TMC5: variants seen among roughly 807,000 people sequenced by gnomAD.
The protein encoded by TMC5 is transmembrane channel-like protein 5.
Under a neutral mutation model 110.5 loss-of-function variants are expected in TMC5, and 86 were observed. The ratio of observed to expected loss-of-function variants is 0.78; its 90% CI spans 0.65 to 0.93. The LOEUF is 0.93. Ranked by LOEUF, TMC5 falls within the 40% of genes least tolerant of loss-of-function variation. The pLI is 0.00. For missense variants in TMC5, 1,144 were observed against 1,222.8 expected (o/e 0.94, Z 0.96); for synonymous variants, 455 against 439.5 (o/e 1.04, Z -0.44).
intron 13 of TMC5, among the ~76,000 whole-genome samples, chr16:19,478,592 A>C (rs1161200881): frequency 1.3e-5 from 2 of 152,092 alleles, no homozygotes; most frequent in Non-Finnish European, 2.9e-5. Context: ...TTATCCATCC[A>C]TGTATGGATC....
chr16:19,427,078 C>A (rs1296107558), intron 1 of TMC5, among the ~76,000 whole-genome samples: 1 of 151,816 alleles, frequency 6.6e-6, no homozygotes, highest in African/African-American at 2.4e-5. Flanking sequence ...ATGTGCCCCC[C>A]TCTCCAGCAG....
At chr16:19,437,321 G>C (rs1967370554) in intron 2 of TMC5, among the ~76,000 whole-genome samples, 1 of 152,186 alleles carries the variant, frequency 6.6e-6, no homozygotes, top group Non-Finnish European at 1.5e-5. Context: ...ACTGTCTCCA[G>C]GAAGAAAATA....
At chr16:19,493,707 T>C (rs1974448) in intron 19 of TMC5, among the ~76,000 whole-genome samples, 96,542 of 151,918 alleles carry the variant, frequency 0.64, 32,230 homozygotes, top group South Asian at 0.76. Flanking sequence ...GTGATCCACC[T>C]GCCTTGGCCT....
At chr16:19,495,880 C>G (rs891299964) in intron 20 of TMC5, among the ~76,000 whole-genome samples, 1 of 151,850 alleles carries the variant, frequency 6.6e-6, no homozygotes, top group Non-Finnish European at 1.5e-5. Context: ...CTCCTGTGAT[C>G]CCCAGCACTT....
At chr16:19,470,526 T>G (rs948139044) in intron 10 of TMC5, among the ~76,000 whole-genome samples, 1 of 151,870 alleles carries the variant, frequency 6.6e-6, no homozygotes, top group African/African-American at 2.4e-5. Flanking sequence ...AGGGGGACAT[T>G]TGACAACCTC....
chr16:19,488,267 T>C (rs1968801904), intron 17 of TMC5, among the ~76,000 whole-genome samples: 1 of 152,074 alleles, frequency 6.6e-6, no homozygotes. Context: ...TAACTCAAGT[T>C]CCCTGGCTAA....
chr16:19,459,291 TC>T (rs1967960771), intron 5 of TMC5, among the ~76,000 whole-genome samples: 1 of 152,136 alleles, frequency 6.6e-6, no homozygotes, highest in African/African-American at 2.4e-5. Flanking sequence ...CAATTGGAAT[TC>T]CATTAACAAG....
At chr16:19,416,456 G>T (rs1476095712), upstream of TMC5, among the ~76,000 whole-genome samples, 1 of 152,166 alleles carries the variant, frequency 6.6e-6, no homozygotes, top group Non-Finnish European at 1.5e-5. Context: ...ATCTGCTGGG[G>T]TTTATCCCTG....
At chr16:19,494,992 G>GAATACTTC (rs1312118000) in intron 20 of TMC5, among the ~76,000 whole-genome samples, 3 of 149,172 alleles carry the variant, frequency 2.0e-5, no homozygotes, top group Admixed American at 6.7e-5. Context: ...ATCTCACTAT[G>GAATACTTC]AATACTTCAG....
chr16:19,439,877 A>G lies in TMC5; in HGVS notation c.-79-83A>G, dbSNP rs1006199947. 41 of 623,458 alleles carry G rather than the reference A, an allele frequency of 6.6e-5. 1 individual carries two copies. In the Admixed American group the frequency reaches 1.2e-3, roughly 18 times the overall value. 38.6% of individuals were successfully genotyped at this position (623,458 alleles called of 1,614,324 possible). On this transcript the variant is annotated intron_variant, in intron 2 of 21. Coordinates refer to ENST00000542583, the MANE Select transcript of TMC5 (RefSeq NM_001261841.2). ...GTACCTGACTACGAACGAAAGGAGA[A>G]CAGATACTGGAAGATAACCAGCAAT...
At chr16:19,412,494 T>G (rs1214419341) in intron 1 of TMC5, among the ~76,000 whole-genome samples, 1 of 152,164 alleles carries the variant, frequency 6.6e-6, no homozygotes, top group Non-Finnish European at 1.5e-5. Context: ...ACCTCCCAAG[T>G]AGCTGAGATT....
intron 1 of TMC5, 35 bp from the exon 2 acceptor site, chr16:19,430,378 A>G (rs1165126335): frequency 6.6e-6 from 1 of 152,168 alleles, no homozygotes; most frequent in Non-Finnish European, 1.5e-5. Context: ...CCCATCTTTT[A>G]TGGAAGTTTA....
At chr16:19,448,469 A>G (rs1331385410) in intron 4 of TMC5, among the ~76,000 whole-genome samples, 1 of 151,584 alleles carries the variant, frequency 6.6e-6, no homozygotes, top group Non-Finnish European at 1.5e-5. Flanking sequence ...AATACAAAAT[A>G]TTAGCCAGGC....
intron 12 of TMC5, among the ~76,000 whole-genome samples, chr16:19,476,614 A>T (rs1038702611): frequency 6.6e-6 from 1 of 152,230 alleles, no homozygotes. Flanking sequence ...ACGCTGGGTC[A>T]GCACCCAATA....
intron 16 of TMC5, 54 bp from the exon 17 acceptor site, chr16:19,487,139 C>T (rs1968763400): frequency 6.2e-7 from 1 of 1,603,534 alleles, no homozygotes; most frequent in Admixed American, 1.7e-5. Flanking sequence ...TGGCTGGGGT[C>T]CCTCTGCCGC....
At chr16:19,487,701 CAATAAATAAATAAATAAATAAATAAATA>C (rs201239101) in intron 17 of TMC5, 2 of 127,838 alleles carry the variant, frequency 1.6e-5, no homozygotes, top group East Asian at 2.3e-4. Flanking sequence ...GACTCTGTCT[CAATAAATAAATAAATAAATAAATAAATA>C]AATAAATAAA....
At chr16:19,473,145 A>C (rs1968387033) in intron 11 of TMC5, among the ~76,000 whole-genome samples, 1 of 151,996 alleles carries the variant, frequency 6.6e-6, no homozygotes, top group Non-Finnish European at 1.5e-5. Flanking sequence ...CAGGAGTTTG[A>C]GACTAGCCTG....
intron 6 of TMC5, among the ~76,000 whole-genome samples, chr16:19,462,897 CAAAA>C (rs530123989): frequency 3.6e-5 from 3 of 83,820 alleles, no homozygotes; most frequent in Non-Finnish European, 4.9e-5. Context: ...GACGCCATCT[CAAAA>C]AAAAAAAAAA....
chr16:19,435,426 C>T (rs898329609), intron 2 of TMC5, among the ~76,000 whole-genome samples: 12 of 151,674 alleles, frequency 7.9e-5, no homozygotes, highest in African/African-American at 2.7e-4. Flanking sequence ...GGCGTGAACC[C>T]GGGAGGCAGA....
Sources: gnomAD v4.1 joint callset for allele counts (sites outside exome capture counted in the v4.1 genomes callset) on GRCh38, gnomAD v4.1.1 for gene constraint, MANE v1.5 for transcripts, NCBI Gene and HGNC (gene_info 2026-07-23, HGNC 2026-07-21) for gene names.